KCNMA1: variants seen among roughly 807,000 people sequenced by gnomAD.
The protein encoded by KCNMA1 is potassium calcium-activated channel subfamily M alpha 1.
Under a neutral mutation model 140.0 loss-of-function variants are expected in KCNMA1, and 29 were observed. That is an observed-to-expected ratio of 0.21 (90% CI 0.15 to 0.28). The LOEUF (loss-of-function observed/expected upper bound fraction) is 0.28. Ranked by LOEUF, KCNMA1 falls within the 10% of genes least tolerant of loss-of-function variation. KCNMA1 has a pLI of 1.00. For synonymous variants in KCNMA1, 612 were observed against 611.9 expected, an observed-to-expected ratio of 1.00 and a Z score of 0.00; for missense variants, 880 against 1,602.2, an observed-to-expected ratio of 0.55 and a Z score of 7.70.
intron 5 of KCNMA1, among the ~76,000 whole-genome samples, chr10:77,132,802 A>T (rs572840119): frequency 6.6e-6 from 1 of 152,322 alleles, no homozygotes; most frequent in East Asian, 1.9e-4. Context: ...GGACAGATTA[A>T]TTTGAACCAA....
At chr10:77,616,418 T>C (rs1378160649) in intron 1 of KCNMA1, among the ~76,000 whole-genome samples, 1 of 152,216 alleles carries the variant, frequency 6.6e-6, no homozygotes, top group Non-Finnish European at 1.5e-5. Context: ...CCTTGGTTTG[T>C]AGCAAGTGCT....
At chr10:77,337,669 C>A (rs201644900) in intron 2 of KCNMA1, among the ~76,000 whole-genome samples, 4 of 152,242 alleles carry the variant, frequency 2.6e-5, no homozygotes, top group South Asian at 4.2e-4. Flanking sequence ...ATTGAAAAAT[C>A]ATTTATTATA....
intron 18 of KCNMA1, among the ~76,000 whole-genome samples, chr10:77,002,856 T>C (rs568977287): frequency 6.6e-6 from 1 of 152,338 alleles, no homozygotes; most frequent in South Asian, 2.1e-4. Context: ...TAAGCATTAC[T>C]GCCAAATGGT....
intron 2 of KCNMA1, among the ~76,000 whole-genome samples, chr10:77,268,098 C>G (rs2063909181): frequency 6.6e-6 from 1 of 152,152 alleles, no homozygotes; most frequent in South Asian, 2.1e-4. Flanking sequence ...AGAATATGGT[C>G]ATCCAATTTA....
intron 1 of KCNMA1, among the ~76,000 whole-genome samples, chr10:77,453,393 T>A (rs1470128932): frequency 6.9e-6 from 1 of 145,286 alleles, no homozygotes; most frequent in Non-Finnish European, 1.5e-5. Flanking sequence ...AAATAAATAA[T>A]CTTATCTCAC....
At chr10:77,051,433 C>T (rs962016481) in intron 14 of KCNMA1, among the ~76,000 whole-genome samples, 2 of 152,152 alleles carry the variant, frequency 1.3e-5, no homozygotes, top group South Asian at 2.1e-4. Flanking sequence ...AAGGCAGAAG[C>T]GCCAGCTTTA....
At chr10:77,548,063 A>G (rs900516172) in intron 1 of KCNMA1, among the ~76,000 whole-genome samples, 7 of 152,092 alleles carry the variant, frequency 4.6e-5, no homozygotes, top group African/African-American at 1.7e-4. Context: ...AGTTAGGCCT[A>G]TTTCTTGAGC....
rs57655774 is a variant in KCNMA1 at position 76,989,912 on chromosome 10, G to A, written c.2266+11495C>T. Among the ~76,000 whole-genome samples, 217 of 151,942 alleles carry A rather than the reference G, an allele frequency of 1.4e-3. 1 individual carries two copies. Among genetic ancestry groups the A allele is most frequent in the African/African-American group, 4.7e-3 (194 of 41,452 alleles). On this transcript the variant is annotated intron_variant, in intron 19 of 27. Coordinates refer to ENST00000286628, the MANE Select transcript of KCNMA1 (RefSeq NM_001161352.2). ...TTCTGATCTAGCAGTCCACTCATCC[G>A]CTATGTGATCTTGGTCAAGTTCATC...
chr10:77,115,868 C>G (rs2097449919), intron 6 of KCNMA1, among the ~76,000 whole-genome samples: 1 of 152,120 alleles, frequency 6.6e-6, no homozygotes, highest in Admixed American at 6.5e-5. Flanking sequence ...ACTGTATGAC[C>G]ACACATCTGA....
At chr10:76,957,127 C>CA (rs569115924) in intron 20 of KCNMA1, among the ~76,000 whole-genome samples, 26,946 of 71,138 alleles carry the variant, frequency 0.38, 5,060 homozygotes, top group African/African-American at 0.42. Flanking sequence ...GACTCTGTCT[C>CA]AAAAAAAAAA....
At chr10:77,101,171 C>A (rs578224382) in intron 9 of KCNMA1, among the ~76,000 whole-genome samples, 1 of 152,126 alleles carries the variant, frequency 6.6e-6, no homozygotes, top group Non-Finnish European at 1.5e-5. Flanking sequence ...CCATGTCCCA[C>A]GCCCACCAAG....
At chr10:77,496,965 C>T (rs948694624) in intron 1 of KCNMA1, among the ~76,000 whole-genome samples, 4 of 152,154 alleles carry the variant, frequency 2.6e-5, no homozygotes, top group African/African-American at 9.7e-5. Flanking sequence ...AATCCTTTGT[C>T]CTCACTAGGA....
chr10:76,912,381 T>C (rs905094685), intron 24 of KCNMA1: 1 of 152,244 alleles, frequency 6.6e-6, no homozygotes, highest in African/African-American at 2.4e-5. Context: ...CTTGGTGCCC[T>C]CTGTGTCTCT....
chr10:77,069,331 A>G (rs1431848553), intron 14 of KCNMA1, among the ~76,000 whole-genome samples: 1 of 152,198 alleles, frequency 6.6e-6, no homozygotes, highest in Non-Finnish European at 1.5e-5. Flanking sequence ...CAAGGGTTCA[A>G]ATAAGATCCT....
At chr10:77,118,123 A>G (rs1309791758) in intron 6 of KCNMA1, among the ~76,000 whole-genome samples, 2 of 152,248 alleles carry the variant, frequency 1.3e-5, no homozygotes. Context: ...GCCTAATGCC[A>G]CAGATTGGCA....
chr10:77,321,705 C>T (rs2082375026), intron 2 of KCNMA1, among the ~76,000 whole-genome samples: 1 of 151,646 alleles, frequency 6.6e-6, no homozygotes, highest in South Asian at 2.1e-4. Flanking sequence ...TAATTCCTTT[C>T]TTGGGGAAAG....
At chr10:77,449,752 C>T (rs2097595088) in intron 1 of KCNMA1, among the ~76,000 whole-genome samples, 1 of 151,354 alleles carries the variant, frequency 6.6e-6, no homozygotes, top group Admixed American at 6.6e-5. Flanking sequence ...ACACCATTCT[C>T]CTGCCTCAGC....
At chr10:76,897,474 A>G (rs1397005809) in intron 25 of KCNMA1, among the ~76,000 whole-genome samples, 2 of 152,184 alleles carry the variant, frequency 1.3e-5, no homozygotes, top group Non-Finnish European at 2.9e-5. Context: ...GAATTTTGAC[A>G]GGACACATTT....
intron 23 of KCNMA1, among the ~76,000 whole-genome samples, chr10:76,921,802 C>A (rs751663564): frequency 4.9e-4 from 75 of 152,166 alleles, no homozygotes; most frequent in South Asian, 8.3e-4. Context: ...TTGGAAATGA[C>A]TGCAAGAAAA....
Sources: allele counts gnomAD v4.1 joint callset (sites outside exome capture counted in the v4.1 genomes callset), GRCh38; gene constraint gnomAD v4.1.1; transcripts MANE v1.5; gene names NCBI Gene and HGNC (gene_info 2026-07-23, HGNC 2026-07-21).